NR6A1: variants seen among roughly 807,000 people sequenced by gnomAD.
The protein encoded by NR6A1 is retinoic acid receptor-related testis-associated receptor.
A neutral mutation model predicts 59.1 loss-of-function variants in NR6A1; 7 were observed. That is an observed-to-expected ratio of 0.12 (90% CI 0.07 to 0.22). The LOEUF (loss-of-function observed/expected upper bound fraction) is 0.22. NR6A1 is among the 10% of genes least tolerant of loss of function. NR6A1 has a pLI of 1.00. For missense variants in NR6A1, 468 were observed against 611.6 expected (o/e 0.77, Z 2.48); for synonymous variants, 243 against 236.1 (o/e 1.03, Z -0.27).
chr9:124,714,820 T>C (rs1006145183), intron 2 of NR6A1, among the ~76,000 whole-genome samples: 5 of 152,092 alleles, frequency 3.3e-5, no homozygotes, highest in African/African-American at 1.2e-4. Context: ...GTATAAGATC[T>C]CAACACTAAA....
intron 2 of NR6A1, among the ~76,000 whole-genome samples, chr9:124,600,613 T>C (rs1835419746): frequency 2.6e-5 from 4 of 152,170 alleles, no homozygotes; most frequent in Admixed American, 2.6e-4. Context: ...GAAGTACTCA[T>C]CATCTGCTGA....
chr9:124,764,479 C>T (rs1840874725), intron 1 of NR6A1, among the ~76,000 whole-genome samples: 2 of 152,044 alleles, frequency 1.3e-5, no homozygotes. Context: ...CTCTTATACA[C>T]AGATCTAAAA....
At chr9:124,695,180 G>A (rs767955429) in intron 2 of NR6A1, among the ~76,000 whole-genome samples, 3 of 152,166 alleles carry the variant, frequency 2.0e-5, no homozygotes, top group Admixed American at 6.5e-5. Flanking sequence ...GCTGAGTGCA[G>A]ACAGGTAGAG....
intron 2 of NR6A1, among the ~76,000 whole-genome samples, chr9:124,610,010 G>C (rs1391224463): frequency 6.6e-6 from 1 of 152,192 alleles, no homozygotes; most frequent in Non-Finnish European, 1.5e-5. Flanking sequence ...CTTTTGGGCA[G>C]AAATGATGGG....
chr9:124,547,397 C>A (rs915770027), intron 3 of NR6A1, among the ~76,000 whole-genome samples: 3 of 152,144 alleles, frequency 2.0e-5, no homozygotes, highest in Non-Finnish European at 4.4e-5. Flanking sequence ...TGGTGGGACC[C>A]CTCATCCTCA....
In NR6A1 at chr9:124,718,849, C is replaced by A. The variant is rs573275700; in HGVS notation, c.142+14459G>T. On this transcript the variant is annotated intron_variant, in intron 2 of 9. Coordinates refer to ENST00000487099, the MANE Select transcript of NR6A1 (RefSeq NM_033334.4). ...TTTTTTTTAAAGACAGGGTCTCGTT[C>A]TGCTGCCCAGGCTGGAGTACAGTGG... 9.2e-5 allele frequency among the ~76,000 whole-genome samples: 10 copies of A among 108,506 alleles called. No individual in the cohort carries two copies. In the South Asian group the frequency reaches 3.2e-3, roughly 35 times the overall value. 71.2% of individuals were successfully genotyped at this position (108,506 alleles called of 152,430 possible). A position where few individuals can be genotyped will look rare whatever the true frequency, so the allele number is the denominator to read the frequency against.
At position 124,557,816 on chromosome 9, in the gene NR6A1, T is replaced by A. The variant is rs566175603; in HGVS notation, c.143-3246A>T. Among the ~76,000 whole-genome samples the A allele has an allele frequency of 4.4e-4, 67 of 152,332 alleles. 1 individual carries two copies. The highest frequency in any genetic ancestry group is 1.6e-3 in the African/African-American group (66 of 41,574). ...AATTTTCTAATTTTAAAACCTTCAG[T>A]GTTCTTTTAGATATGACTATAATGT... On this transcript the variant is annotated intron_variant, in intron 2 of 9. Transcript: ENST00000487099.
intron 1 of NR6A1, among the ~76,000 whole-genome samples, chr9:124,739,917 C>G (rs531720059): frequency 6.6e-6 from 1 of 152,324 alleles, no homozygotes; most frequent in African/African-American, 2.4e-5. Context: ...TAACGTTCTG[C>G]TAGTTACTCA....
At position 124,746,331 on chromosome 9, in the gene NR6A1, G is replaced by A. The variant is rs1840332860; in HGVS notation, c.101-12982C>T. ...GTGCCAGGCACAGTGGCTCACACCTGTAATCCCAGCACTTTGGGAGGCCCA... is the reference window on the plus strand; with the variant it reads ...GTGCCAGGCACAGTGGCTCACACCTATAATCCCAGCACTTTGGGAGGCCCA... On this transcript the variant is annotated intron_variant, in intron 1 of 9. Coordinates refer to ENST00000487099, the MANE Select transcript of NR6A1 (RefSeq NM_033334.4). Among the ~76,000 whole-genome samples, 10 of 152,212 alleles carry A rather than the reference G, an allele frequency of 6.6e-5. No individual in the cohort carries two copies. In the South Asian group the frequency reaches 2.1e-3, roughly 31 times the overall value.
chr9:124,724,706 GATA>G (rs1050114053), intron 2 of NR6A1, among the ~76,000 whole-genome samples: 2 of 152,196 alleles, frequency 1.3e-5, no homozygotes, highest in Non-Finnish European at 2.9e-5. Context: ...TTCTGAAATA[GATA>G]ATAAGAGACA....
At chr9:124,633,918 T>C (rs1836521746) in intron 2 of NR6A1, among the ~76,000 whole-genome samples, 1 of 152,210 alleles carries the variant, frequency 6.6e-6, no homozygotes, top group Non-Finnish European at 1.5e-5. Flanking sequence ...CCATATACAA[T>C]TTAAGAATAT....
At chr9:124,591,446 T>C (rs1835122892) in intron 2 of NR6A1, among the ~76,000 whole-genome samples, 2 of 152,206 alleles carry the variant, frequency 1.3e-5, no homozygotes, top group East Asian at 1.9e-4. Flanking sequence ...AGCAAAGCCA[T>C]ATACGTAGCC....
intron 2 of NR6A1, among the ~76,000 whole-genome samples, chr9:124,567,491 C>T (rs1165918432): frequency 1.3e-5 from 2 of 152,044 alleles, no homozygotes; most frequent in Admixed American, 6.6e-5. Flanking sequence ...GGGCCAGGTG[C>T]GGTAGCTCAC....
At chr9:124,642,556 G>A (rs1185673641) in intron 2 of NR6A1, among the ~76,000 whole-genome samples, 1 of 152,038 alleles carries the variant, frequency 6.6e-6, no homozygotes, top group African/African-American at 2.4e-5. Context: ...CTACTTACTA[G>A]ACACCAATAA....
At chr9:124,560,537 T>C (rs778924659) in intron 2 of NR6A1, among the ~76,000 whole-genome samples, 1 of 152,172 alleles carries the variant, frequency 6.6e-6, no homozygotes, top group Non-Finnish European at 1.5e-5. Context: ...ATTAGCATCC[T>C]GGAAATAGTT....
chr9:124,738,483 A>T (rs566585342), intron 1 of NR6A1, among the ~76,000 whole-genome samples: 1 of 152,198 alleles, frequency 6.6e-6, no homozygotes, highest in Non-Finnish European at 1.5e-5. Context: ...TGATATCACC[A>T]AGTCAGTGTG....
chr9:124,543,449 GATGAA>G (rs1281204612), intron 4 of NR6A1, among the ~76,000 whole-genome samples: 1 of 152,096 alleles, frequency 6.6e-6, no homozygotes. Context: ...ATATTTTTTA[GATGAA>G]ATGAACAAAG....
chr9:124,681,011 T>C (rs1289852550), intron 2 of NR6A1, among the ~76,000 whole-genome samples: 1 of 152,170 alleles, frequency 6.6e-6, no homozygotes, highest in Non-Finnish European at 1.5e-5. Context: ...AACTTAATAA[T>C]GTCCTTGATG....
At chr9:124,712,910 A>C (rs560285237) in intron 2 of NR6A1, among the ~76,000 whole-genome samples, 17 of 152,356 alleles carry the variant, frequency 1.1e-4, no homozygotes, top group African/African-American at 3.4e-4. Context: ...TCTGAAAACA[A>C]CACCACTCAT....
Sources: gnomAD v4.1 joint callset for allele counts (sites outside exome capture counted in the v4.1 genomes callset) on GRCh38, gnomAD v4.1.1 for gene constraint, MANE v1.5 for transcripts, NCBI Gene and HGNC (gene_info 2026-07-23, HGNC 2026-07-21) for gene names.